NRXN3: variants seen among roughly 807,000 people sequenced by gnomAD.
NRXN3 encodes neurexin III.
NRXN3 carries 32 observed loss-of-function variants against 137.6 expected under a neutral mutation model. The ratio of observed to expected loss-of-function variants is 0.23; its 90% CI spans 0.18 to 0.31. NRXN3 has a LOEUF of 0.31. NRXN3 is among the 10% of genes least tolerant of loss of function. The pLI is 1.00. For missense variants in NRXN3, 1,574 were observed against 2,062.5 expected, an observed-to-expected ratio of 0.76 and a Z score of 4.59; for synonymous variants, 798 against 784.5, an observed-to-expected ratio of 1.02 and a Z score of -0.29.
chr14:78,354,708 A>G (rs990713277), intron 4 of NRXN3, among the ~76,000 whole-genome samples: 2 of 152,186 alleles, frequency 1.3e-5, no homozygotes, highest in African/African-American at 4.8e-5. Flanking sequence ...TGCCTGAAAG[A>G]TGTGTGTTTG....
At chr14:78,524,044 A>G (rs1247380070) in intron 4 of NRXN3, among the ~76,000 whole-genome samples, 1 of 152,162 alleles carries the variant, frequency 6.6e-6, no homozygotes, top group Non-Finnish European at 1.5e-5. Context: ...TAAATCATCC[A>G]TAGATTTTGG....
rs541078022 is a variant in NRXN3, at chr14:78,923,967, C to T, written c.2276-33275C>T. On this transcript the variant is annotated intron_variant, in intron 10 of 20. Coordinates refer to ENST00000335750, the MANE Select transcript of NRXN3 (RefSeq NM_001330195.2). ...AGATTCCTTATTAAGACCATTAATA[C>T]GGCTGGGCATGGTGGCTCATGCCTA... Among the ~76,000 whole-genome samples the T allele has an allele frequency of 1.0e-3, 158 of 152,260 alleles. 1 individual carries two copies. The highest frequency in any genetic ancestry group is 3.6e-3 in the African/African-American group (151 of 41,564).
chr14:78,664,869 T>G (rs1242322099), intron 6 of NRXN3, among the ~76,000 whole-genome samples: 1 of 152,230 alleles, frequency 6.6e-6, no homozygotes, highest in African/African-American at 2.4e-5. Flanking sequence ...ATGGGAAATA[T>G]TCTTCAATAA....
intron 6 of NRXN3, among the ~76,000 whole-genome samples, chr14:78,682,047 T>C (rs982391125): frequency 6.6e-6 from 1 of 152,094 alleles, no homozygotes; most frequent in Non-Finnish European, 1.5e-5. Context: ...TTTGTATTTT[T>C]AGTAGAGATG....
At chr14:78,762,592 A>G (rs767873822) in intron 8 of NRXN3, among the ~76,000 whole-genome samples, 1 of 152,212 alleles carries the variant, frequency 6.6e-6, no homozygotes, top group South Asian at 2.1e-4. Context: ...AGGGTAAGAC[A>G]GTCTCCATCA....
At chr14:78,378,409 C>T (rs1362738288) in intron 4 of NRXN3, among the ~76,000 whole-genome samples, 4 of 150,632 alleles carry the variant, frequency 2.7e-5, no homozygotes, top group East Asian at 2.0e-4. Flanking sequence ...CGCTTGAACC[C>T]GGGACGTGGA....
chr14:78,715,320 A>T (rs535179724), intron 8 of NRXN3, among the ~76,000 whole-genome samples, 181 bp downstream of exon 8: 21 of 152,224 alleles, frequency 1.4e-4, no homozygotes, highest in Non-Finnish European at 1.9e-4. Flanking sequence ...TGTTTGGCTA[A>T]GACTGAGTTG....
chr14:78,832,972 G>T (rs150248014), intron 10 of NRXN3, among the ~76,000 whole-genome samples: 1 of 152,128 alleles, frequency 6.6e-6, no homozygotes, highest in Admixed American at 6.5e-5. Flanking sequence ...TAAGTTTCAC[G>T]CATAAAACAT....
At chr14:78,265,431 A>G (rs1016081895) in intron 2 of NRXN3, among the ~76,000 whole-genome samples, 2 of 152,196 alleles carry the variant, frequency 1.3e-5, no homozygotes, top group African/African-American at 4.8e-5. Context: ...TTAGCAATAA[A>G]ACACATTTGT....
At chr14:78,268,637 G>T (rs896986540) in intron 2 of NRXN3, among the ~76,000 whole-genome samples, 2 of 152,126 alleles carry the variant, frequency 1.3e-5, no homozygotes, top group African/African-American at 4.8e-5. Context: ...AACGAGTTTG[G>T]AGTCAGAGAA....
rs187945851 is a variant in NRXN3, at chr14:78,217,764, C to T, written c.-703-24627C>T. 7.9e-5 allele frequency among the ~76,000 whole-genome samples: 12 copies of T among 152,250 alleles called. No individual in the cohort carries two copies. The East Asian group carries it at 1.5e-3, about 20-fold the overall frequency. Reference sequence around the variant, plus strand: ...GCAAACTCCACCTCCTAGGTTCAAGCGATTCTTCTGCCTCAGCCTCCCAAG... The same window carrying T: ...GCAAACTCCACCTCCTAGGTTCAAGTGATTCTTCTGCCTCAGCCTCCCAAG... On this transcript the variant is annotated intron_variant, in intron 1 of 20. Coordinates refer to ENST00000335750, the MANE Select transcript of NRXN3 (RefSeq NM_001330195.2).
chr14:79,698,457 A>C (rs2098742966), intron 19 of NRXN3, among the ~76,000 whole-genome samples: 1 of 151,962 alleles, frequency 6.6e-6, no homozygotes, highest in Non-Finnish European at 1.5e-5. Flanking sequence ...GTTTGTTATC[A>C]AATCCTGATT....
chr14:79,497,859 A>G (rs928922425), intron 16 of NRXN3, among the ~76,000 whole-genome samples: 1 of 152,138 alleles, frequency 6.6e-6, no homozygotes, highest in Non-Finnish European at 1.5e-5. Flanking sequence ...ACATAGTGAA[A>G]CCCCGTCTCT....
intron 10 of NRXN3, among the ~76,000 whole-genome samples, chr14:78,910,499 G>T (rs1487428715): frequency 6.6e-6 from 1 of 151,970 alleles, no homozygotes; most frequent in African/African-American, 2.4e-5. Context: ...GGCCTTTAAA[G>T]TTGCTGCTTT....
At chr14:79,833,540 C>T (rs1363990149) in intron 20 of NRXN3, among the ~76,000 whole-genome samples, 3 of 152,082 alleles carry the variant, frequency 2.0e-5, no homozygotes, top group Non-Finnish European at 1.5e-5. Flanking sequence ...TCCTGAATTT[C>T]TTCAATTTAC....
chr14:78,411,055 G>T (rs2092797575), intron 4 of NRXN3, among the ~76,000 whole-genome samples: 1 of 152,146 alleles, frequency 6.6e-6, no homozygotes, highest in South Asian at 2.1e-4. Flanking sequence ...AGTTCATGAA[G>T]AAATTATGAA....
chr14:79,679,396 T>C (rs2098657891), intron 17 of NRXN3, among the ~76,000 whole-genome samples: 1 of 152,188 alleles, frequency 6.6e-6, no homozygotes, highest in Non-Finnish European at 1.5e-5. Context: ...TAAAGTCATA[T>C]GAAATAGCTT....
At chr14:78,395,013 T>C (rs921779238) in intron 4 of NRXN3, among the ~76,000 whole-genome samples, 18 of 151,882 alleles carry the variant, frequency 1.2e-4, no homozygotes, top group African/African-American at 4.3e-4. Flanking sequence ...CAAGGAATCA[T>C]CTCTTTGTTT....
chr14:78,325,998 G>T (rs1474562160), intron 4 of NRXN3, among the ~76,000 whole-genome samples: 2 of 152,148 alleles, frequency 1.3e-5, no homozygotes, highest in African/African-American at 2.4e-5. Context: ...TGAAAGCCCC[G>T]TCTTCCAGAA....
Sources: gnomAD v4.1 joint callset for allele counts (sites outside exome capture counted in the v4.1 genomes callset) on GRCh38, gnomAD v4.1.1 for gene constraint, MANE v1.5 for transcripts, NCBI Gene and HGNC (gene_info 2026-07-23, HGNC 2026-07-21) for gene names.